SLC28A1: variants seen among roughly 807,000 people sequenced by gnomAD.
The protein encoded by SLC28A1 is sodium/nucleoside cotransporter 1.
Under a neutral mutation model 74.8 loss-of-function variants are expected in SLC28A1, and 64 were observed. The observed-to-expected ratio is 0.86, with a 90% confidence interval of 0.70 to 1.05. The LOEUF (loss-of-function observed/expected upper bound fraction) is 1.05, where lower values mean the gene tolerates loss of function less well. Ranked by LOEUF, SLC28A1 falls within the 50% of genes least tolerant of loss-of-function variation. The pLI is 0.00. For synonymous variants in SLC28A1, 359 were observed against 335.0 expected (o/e 1.07, Z -0.78); for missense variants, 828 against 822.8 (o/e 1.01, Z -0.08).
intron 16 of SLC28A1, 30 bp from the exon 17 acceptor site, chr15:84,944,536 C>A: frequency 6.6e-7 from 1 of 1,514,394 alleles, no homozygotes; most frequent in Non-Finnish European, 9.2e-7. Context: ...CACAGCTTCC[C>A]AGGCCCTGAG....
At chr15:84,932,615 C>T (rs561915764) in intron 12 of SLC28A1, among the ~76,000 whole-genome samples, 15 of 152,304 alleles carry the variant, frequency 9.8e-5, no homozygotes, top group South Asian at 8.3e-4. Flanking sequence ...TACCTTCCTA[C>T]GCTAGTACAT....
At chr15:84,955,389 G>A in the SLC28A1 span, among the ~76,000 whole-genome samples, 27 of 152,328 alleles carry the variant, frequency 1.8e-4, no homozygotes, top group South Asian at 3.3e-3. Context: ...ATGTCTGACC[G>A]TGAAGCATCT....
chr15:84,919,633 C>T (rs1041100228), intron 10 of SLC28A1, among the ~76,000 whole-genome samples: 1 of 152,074 alleles, frequency 6.6e-6, no homozygotes, highest in African/African-American at 2.4e-5. Flanking sequence ...AGATCAGGGC[C>T]AAACTTATCC....
chr15:84,906,941 C>A (rs1159497390), intron 8 of SLC28A1, among the ~76,000 whole-genome samples: 1 of 152,134 alleles, frequency 6.6e-6, no homozygotes, highest in Non-Finnish European at 1.5e-5. Flanking sequence ...TTAGGCAACA[C>A]CTCATTCTAT....
At chr15:84,906,512 G>GTTTCTTTCTTTC (rs1465366428) in intron 8 of SLC28A1, among the ~76,000 whole-genome samples, 15 of 65,150 alleles carry the variant, frequency 2.3e-4, no homozygotes, top group African/African-American at 1.0e-3. Flanking sequence ...TTGTTTGTTT[G>GTTTCTTTCTTTC]TTTGTTTGTT....
At chr15:84,928,527 G>GTTCGTTCGTTCTTTCT (rs1477267970) in intron 12 of SLC28A1, among the ~76,000 whole-genome samples, 2 of 47,176 alleles carry the variant, frequency 4.2e-5, no homozygotes, top group Admixed American at 2.2e-4. Flanking sequence ...AGGTTCGTTC[G>GTTCGTTCGTTCTTTCT]TTCTTTCTTT....
chr15:84,929,997 T>C (rs985045787), intron 12 of SLC28A1, among the ~76,000 whole-genome samples: 1 of 152,096 alleles, frequency 6.6e-6, no homozygotes, highest in African/African-American at 2.4e-5. Flanking sequence ...GAGGTGGGTG[T>C]GGGCTGGCCC....
chr15:84,908,626 G>C, intron 8 of SLC28A1, 92 bp from the exon 9 acceptor site: 2 of 1,112,146 alleles, frequency 1.8e-6, no homozygotes, highest in East Asian at 2.4e-5. Flanking sequence ...CTACGTCCCT[G>C]GGCCAACCCG....
the SLC28A1 span, among the ~76,000 whole-genome samples, chr15:84,960,682 C>T: frequency 6.6e-6 from 1 of 152,184 alleles, no homozygotes; most frequent in East Asian, 1.9e-4. Flanking sequence ...TTCAACTCCG[C>T]TTCCTGTTTT....
intron 5 of SLC28A1, among the ~76,000 whole-genome samples, 163 bp from the exon 6 acceptor site, chr15:84,894,777 T>C (rs16974587): frequency 0.014 from 2,146 of 152,256 alleles, 46 homozygotes; most frequent in African/African-American, 0.049. Flanking sequence ...ACAGTAGCGG[T>C]GGTTGTTTTC....
intron 9 of SLC28A1, among the ~76,000 whole-genome samples, chr15:84,912,847 C>CACACACACACA (rs60379618): frequency 1.5e-5 from 2 of 130,974 alleles, no homozygotes; most frequent in Admixed American, 7.5e-5. Context: ...CACACACACA[C>CACACACACACA]AGATCAAATA....
intron 8 of SLC28A1, among the ~76,000 whole-genome samples, chr15:84,907,366 G>A (rs1401434564): frequency 6.6e-6 from 1 of 151,938 alleles, no homozygotes; most frequent in African/African-American, 2.4e-5. Flanking sequence ...TCTATTTTTG[G>A]TAGAGATGGG....
chr15:84,955,881 T>C, the SLC28A1 span, among the ~76,000 whole-genome samples: 13,479 of 152,178 alleles, frequency 0.089, 757 homozygotes, highest in African/African-American at 0.16. Flanking sequence ...GGTAGGGGCA[T>C]TGACCCCAGC....
rs17222435 is a variant in SLC28A1, at chr15:84,945,104, C to T, written c.1875-21C>T. Reference sequence around the variant, plus strand: ...AGAACCAGGCCTGGAGCTCCCACTGCGATCTTTGCTTTCTTTTTAGCGTCA... The same window carrying T: ...AGAACCAGGCCTGGAGCTCCCACTGTGATCTTTGCTTTCTTTTTAGCGTCA... On this transcript the variant is annotated intron_variant, in intron 18 of 18. Coordinates refer to ENST00000394573, the MANE Select transcript of SLC28A1 (RefSeq NM_004213.5). 12,747 of 1,612,614 alleles carry T rather than the reference C, an allele frequency of 7.9e-3. 87 individuals carry two copies. Among genetic ancestry groups the T allele is most frequent in the South Asian group, 0.015 (1,345 of 91,048 alleles).
At chr15:84,904,574 C>T (rs8040847) in intron 7 of SLC28A1, among the ~76,000 whole-genome samples, 58,229 of 151,974 alleles carry the variant, frequency 0.38, 11,339 homozygotes, top group South Asian at 0.56. Flanking sequence ...AGAACTCCAG[C>T]CTGTCTGCAG....
At chr15:84,890,792 G>A (rs549557591) in intron 5 of SLC28A1, among the ~76,000 whole-genome samples, 69 of 152,306 alleles carry the variant, frequency 4.5e-4, no homozygotes, top group Middle Eastern at 6.8e-3. Context: ...ACACCAAGGA[G>A]GAATGGGGGA....
chr15:84,944,941 C>G lies in SLC28A1; in HGVS notation c.1874+74C>G, dbSNP rs1008527681. 5.9e-5 allele frequency: 71 copies of G among 1,193,678 alleles called. 1 individual carries two copies. In the South Asian group the frequency reaches 8.1e-4, roughly 14 times the overall value. The allele number at this position is 1,193,678 out of a possible 1,614,324, so 73.9% of individuals were successfully genotyped here. ...GAATGCCTGAGCGCTGGGGGGGATG[C>G]CTTTGGTACCAGGGTGAGGGTAGAA... On this transcript the variant is annotated intron_variant, in intron 18 of 18. Transcript: ENST00000394573.
intron 12 of SLC28A1, among the ~76,000 whole-genome samples, chr15:84,925,701 A>G (rs1433271765): frequency 1.3e-5 from 2 of 152,138 alleles, no homozygotes; most frequent in Admixed American, 1.3e-4. Flanking sequence ...ACTGACCTAA[A>G]ATGTCATTCC....
Position 84,886,685 on chromosome 15 carries a change from AG to A in SLC28A1, c.-118del. 2.0e-6 allele frequency: 2 copies of A among 985,526 alleles called. No individual in the cohort carries two copies. Among genetic ancestry groups the A allele is most frequent in the Non-Finnish European group, 2.4e-6 (2 of 829,970 alleles). The allele number at this position is 985,526 out of a possible 1,614,324, so 61.0% of individuals were successfully genotyped here. A position where few individuals can be genotyped will look rare whatever the true frequency, so the allele number is the denominator to read the frequency against. ...GACTCTGCCCAGGAATTTCTGCTGA[AG>A]TGACAAGGCAAGCCAGAGCCAAAGC... On this transcript the variant is annotated 5_prime_UTR_variant, in exon 2 of 19. The change creates a new upstream start codon in the 5' untranslated region. Coordinates refer to ENST00000394573, the MANE Select transcript of SLC28A1 (RefSeq NM_004213.5).
Sources: allele counts gnomAD v4.1 joint callset (sites outside exome capture counted in the v4.1 genomes callset), GRCh38; gene constraint gnomAD v4.1.1; transcripts MANE v1.5; gene names NCBI Gene and HGNC (gene_info 2026-07-23, HGNC 2026-07-21).